The following CUX2 variants were observed in gnomAD, a reference collection of about 807,000 sequenced individuals.
The protein encoded by CUX2 is cut like homeobox 2, also known as homeobox protein cut-like 2.
CUX2 carries 40 observed loss-of-function variants against 144.8 expected under a neutral mutation model. The observed-to-expected ratio is 0.28, with a 90% CI of 0.21 to 0.36. CUX2 has a LOEUF of 0.36. CUX2 is among the 10% of genes least tolerant of loss of function. The pLI, the probability that CUX2 is intolerant of heterozygous loss-of-function variation, is 1.00. For missense variants in CUX2, 1,615 were observed against 1,994.0 expected (o/e 0.81, Z 3.62); for synonymous variants, 827 against 875.6 (o/e 0.94, Z 0.98).
At chr12:111,299,566 G>A (rs1886182796) in intron 9 of CUX2, among the ~76,000 whole-genome samples, 1 of 152,188 alleles carries the variant, frequency 6.6e-6, no homozygotes, top group African/African-American at 2.4e-5. Flanking sequence ...GGAGGGTCGG[G>A]AAGGCCAAAG....
chr12:111,149,188 G>A (rs2136133758), intron 1 of CUX2, among the ~76,000 whole-genome samples: 1 of 152,284 alleles, frequency 6.6e-6, no homozygotes, highest in Middle Eastern at 3.4e-3. Flanking sequence ...AGCTAAGCTT[G>A]TCCAACCTGT....
chr12:111,152,148 G>T (rs1368865714), intron 1 of CUX2, among the ~76,000 whole-genome samples: 1 of 152,082 alleles, frequency 6.6e-6, no homozygotes, highest in Non-Finnish European at 1.5e-5. Flanking sequence ...GCTGGGCATG[G>T]TAGCACATGC....
At chr12:111,070,414 TTCCTTCC>T (rs1408439095) in intron 1 of CUX2, among the ~76,000 whole-genome samples, 25 of 102,508 alleles carry the variant, frequency 2.4e-4, no homozygotes, top group Admixed American at 2.4e-3. Flanking sequence ...CCTTCCTTCC[TTCCTTCC>T]TTCCTTCCTT....
intron 3 of CUX2, among the ~76,000 whole-genome samples, chr12:111,261,305 T>G (rs750722906): frequency 3.3e-5 from 5 of 152,148 alleles, no homozygotes; most frequent in Non-Finnish European, 7.4e-5. Flanking sequence ...CAGACTCTCA[T>G]GAATAGTAAA....
intron 3 of CUX2, among the ~76,000 whole-genome samples, chr12:111,237,557 A>G (rs1323673121): frequency 6.6e-6 from 1 of 152,172 alleles, no homozygotes; most frequent in Non-Finnish European, 1.5e-5. Flanking sequence ...CACAGAATCC[A>G]GCCCCTTGCT....
At chr12:111,161,930 A>G (rs1877797455) in intron 1 of CUX2, among the ~76,000 whole-genome samples, 1 of 152,128 alleles carries the variant, frequency 6.6e-6, no homozygotes, top group African/African-American at 2.4e-5. Flanking sequence ...GAGACAGGGT[A>G]TCCCCATGTT....
In CUX2 at chr12:111,342,068, G is replaced by A. The variant is rs370411186; in HGVS notation, c.3659+15G>A. ...CACAACTACAGGTGGGACTATGGGG[G>A]CGTACCCACAGGCGGGTGGCAGAAT... is the stretch of plus-strand genomic sequence containing the variant. On this transcript the variant is annotated intron_variant, in intron 21 of 21. Transcript: ENST00000261726. 3 of 1,599,504 alleles carry A rather than the reference G, an allele frequency of 1.9e-6. No homozygotes were observed. The highest frequency in any genetic ancestry group is 2.6e-6 in the Non-Finnish European group (3 of 1,171,754).
At chr12:111,189,388 A>G (rs1879743629) in intron 1 of CUX2, among the ~76,000 whole-genome samples, 1 of 152,346 alleles carries the variant, frequency 6.6e-6, no homozygotes, top group Non-Finnish European at 1.5e-5. Flanking sequence ...CCTGCCTCCG[A>G]ACTACACAGG....
At chr12:111,119,928 C>T (rs1011492969) in intron 1 of CUX2, among the ~76,000 whole-genome samples, 92 of 152,000 alleles carry the variant, frequency 6.1e-4, no homozygotes, top group African/African-American at 2.1e-3. Context: ...CATGGTGGCA[C>T]GCGCCTGTAA....
At chr12:111,102,517 T>TCA (rs902847017) in intron 1 of CUX2, among the ~76,000 whole-genome samples, 7 of 152,230 alleles carry the variant, frequency 4.6e-5, no homozygotes, top group African/African-American at 1.7e-4. Flanking sequence ...TTCAACCATG[T>TCA]CACGGACATG....
chr12:111,318,086 T>G (rs1370031055), intron 16 of CUX2, among the ~76,000 whole-genome samples: 1 of 151,978 alleles, frequency 6.6e-6, no homozygotes, highest in Non-Finnish European at 1.5e-5. Flanking sequence ...ATTGTTGTTG[T>G]TTTTTGAGAT....
At chr12:111,220,529 TC>T (rs1443314595) in intron 3 of CUX2, among the ~76,000 whole-genome samples, 11 of 151,942 alleles carry the variant, frequency 7.2e-5, no homozygotes, top group Admixed American at 1.3e-4. Flanking sequence ...TCAACTCTGC[TC>T]CTAAACCAGC....
chr12:111,147,892 A>G (rs1213744386), intron 1 of CUX2, among the ~76,000 whole-genome samples: 2 of 152,214 alleles, frequency 1.3e-5, no homozygotes, highest in African/African-American at 4.8e-5. Context: ...TGACTTGTCA[A>G]GGAGGTTTCC....
At chr12:111,092,996 TG>T (rs1056242190) in intron 1 of CUX2, among the ~76,000 whole-genome samples, 10 of 152,096 alleles carry the variant, frequency 6.6e-5, no homozygotes, top group Non-Finnish European at 1.0e-4. Flanking sequence ...TTGTATTTTT[TG>T]TAGAGACAAG....
At chr12:111,212,694 G>A (rs1300470602) in intron 1 of CUX2, among the ~76,000 whole-genome samples, 1 of 152,120 alleles carries the variant, frequency 6.6e-6, no homozygotes, top group Non-Finnish European at 1.5e-5. Flanking sequence ...CTCCCTTCTA[G>A]TCTCATAATT....
chr12:111,107,920 G>A (rs564781830), intron 1 of CUX2, among the ~76,000 whole-genome samples: 2 of 152,060 alleles, frequency 1.3e-5, no homozygotes, highest in East Asian at 1.9e-4. Flanking sequence ...AAAAATTAAC[G>A]TGGCTGAAAC....
Position 111,245,197 on chromosome 12 carries a change from G to A in CUX2, c.223-18564G>A, listed in dbSNP as rs377182512. On this transcript the variant is annotated intron_variant, in intron 3 of 21. Coordinates refer to ENST00000261726, the MANE Select transcript of CUX2 (RefSeq NM_015267.4). ...TGTTGTTTCAAAGTTTTGTTCTATG[G>A]TATGGCAGGAGGTGAGAAGGAGAGC... Among the ~76,000 whole-genome samples, 10 of 152,028 alleles carry A rather than the reference G, an allele frequency of 6.6e-5. No homozygotes were observed. In the South Asian group the frequency reaches 2.1e-3, roughly 32 times the overall value.
chr12:111,233,328 T>C (rs1882577028), intron 3 of CUX2, among the ~76,000 whole-genome samples: 2 of 152,150 alleles, frequency 1.3e-5, no homozygotes, highest in African/African-American at 4.8e-5. Flanking sequence ...CTGTTTATTC[T>C]CCCTCCTGGC....
chr12:111,061,728 C>T lies in CUX2; in HGVS notation c.63+27488C>T, dbSNP rs1870781817. Among the ~76,000 whole-genome samples the T allele has an allele frequency of 6.6e-6, 1 of 150,992 alleles. No homozygotes were observed. Among genetic ancestry groups the T allele is most frequent in the Non-Finnish European group, 1.5e-5 (1 of 68,006 alleles). Reference sequence around the variant, plus strand: ...AGTGAGTGGGTCACTCTCCCCTCAGCCTGGCCCTGGCCCTGGGTATCTCTG... The same window carrying T: ...AGTGAGTGGGTCACTCTCCCCTCAGTCTGGCCCTGGCCCTGGGTATCTCTG... On this transcript the variant is annotated intron_variant, in intron 1 of 21. Coordinates refer to ENST00000261726, the MANE Select transcript of CUX2 (RefSeq NM_015267.4). This position sits in a 1 kb window ranked among gnomAD's most constrained non-coding sequence, Gnocchi z 4.2.
Sources: allele counts gnomAD v4.1 joint callset (sites outside exome capture counted in the v4.1 genomes callset), GRCh38; gene constraint gnomAD v4.1.1; non-coding constraint Gnocchi (gnomAD v3.1); transcripts MANE v1.5; gene names NCBI Gene and HGNC (gene_info 2026-07-23, HGNC 2026-07-21).